The following SORCS2 variants were observed in gnomAD, a reference collection of about 807,000 sequenced individuals.
The protein encoded by SORCS2 is sortilin related VPS10 domain containing receptor 2, also known as VPS10 domain-containing receptor SorCS2.
A neutral mutation model predicts 141.6 loss-of-function variants in SORCS2; 100 were observed. That is an observed-to-expected ratio of 0.71 (90% confidence interval 0.60 to 0.83). The LOEUF is 0.83. Ranked by LOEUF, SORCS2 falls within the 40% of genes least tolerant of loss-of-function variation. The probability of loss-of-function intolerance (pLI) is 0.00; values close to 1 mark genes in which losing one functional copy is unlikely to be tolerated. For synonymous variants in SORCS2, 789 were observed against 676.9 expected (o/e 1.17, Z -2.57); for missense variants, 1,646 against 1,560.2 (o/e 1.05, Z -0.93).
chr4:7,692,449 A>G (rs912404552), intron 11 of SORCS2, among the ~76,000 whole-genome samples: 1 of 152,192 alleles, frequency 6.6e-6, no homozygotes, highest in Non-Finnish European at 1.5e-5. Flanking sequence ...AAATGAGAGG[A>G]TAAAACCTCC....
At chr4:7,451,156 G>A (rs1728436357) in intron 2 of SORCS2, among the ~76,000 whole-genome samples, 1 of 152,280 alleles carries the variant, frequency 6.6e-6, no homozygotes, top group African/African-American at 2.4e-5. Flanking sequence ...GAATGAGTGA[G>A]TGAATCAGCA....
At chr4:7,609,468 C>T (rs1172068642) in intron 3 of SORCS2, among the ~76,000 whole-genome samples, 3 of 152,202 alleles carry the variant, frequency 2.0e-5, no homozygotes, top group Non-Finnish European at 4.4e-5. Flanking sequence ...TCGTCAACTG[C>T]CAATTCAGAC....
At chr4:7,666,065 G>A (rs2108928410) in intron 7 of SORCS2, among the ~76,000 whole-genome samples, 1 of 152,238 alleles carries the variant, frequency 6.6e-6, no homozygotes, top group Middle Eastern at 3.4e-3. Context: ...GAGGAGGTGA[G>A]GTCCTGCTAG....
chr4:7,337,651 G>A (rs10005640), intron 1 of SORCS2, among the ~76,000 whole-genome samples: 76,232 of 151,440 alleles, frequency 0.5, 19,361 homozygotes, highest in East Asian at 0.57. Flanking sequence ...TGGGAAGCCA[G>A]GGAGAGCTCT....
At chr4:7,275,029 C>T (rs949657990) in intron 1 of SORCS2, among the ~76,000 whole-genome samples, 1 of 152,162 alleles carries the variant, frequency 6.6e-6, no homozygotes, top group Admixed American at 6.5e-5. Context: ...AGCCTGACAC[C>T]TTTTAATGCA....
intron 3 of SORCS2, among the ~76,000 whole-genome samples, chr4:7,606,360 C>T (rs962252369): frequency 3.9e-5 from 6 of 152,152 alleles, no homozygotes; most frequent in East Asian, 1.9e-4. Context: ...ACTTATTCAA[C>T]GATCGTCTCT....
chr4:7,642,929 A>C (rs62290662), intron 4 of SORCS2, among the ~76,000 whole-genome samples: 1 of 152,204 alleles, frequency 6.6e-6, no homozygotes. Context: ...ACATCTACTC[A>C]CACAGCATCG....
chr4:7,237,855 T>C (rs1712396676), intron 1 of SORCS2, among the ~76,000 whole-genome samples: 1 of 151,986 alleles, frequency 6.6e-6, no homozygotes, highest in African/African-American at 2.4e-5. Context: ...GGATGTTTTT[T>C]AGAGTGTGAT....
At chr4:7,550,290 C>T (rs573158758) in intron 3 of SORCS2, among the ~76,000 whole-genome samples, 5 of 151,550 alleles carry the variant, frequency 3.3e-5, no homozygotes, top group South Asian at 4.3e-4. Flanking sequence ...CCCAGCAAGG[C>T]ACTGGGGGCC....
At chr4:7,297,950 A>G (rs992722784) in intron 1 of SORCS2, among the ~76,000 whole-genome samples, 3 of 152,202 alleles carry the variant, frequency 2.0e-5, no homozygotes, top group Non-Finnish European at 4.4e-5. Flanking sequence ...TGGGGCTGGT[A>G]TCCGCCTTGC....
At chr4:7,638,253 G>A in intron 3 of SORCS2, 75 bp from the exon 4 acceptor site, 1 of 1,464,418 alleles carries the variant, frequency 6.8e-7, no homozygotes, top group Non-Finnish European at 9.1e-7. Context: ...ACCTGGCCCA[G>A]GCCTCACAAC....
At chr4:7,439,625 C>T (rs898919445) in intron 2 of SORCS2, among the ~76,000 whole-genome samples, 23 of 152,180 alleles carry the variant, frequency 1.5e-4, no homozygotes, top group Admixed American at 2.0e-4. Flanking sequence ...TGTTCTTGAA[C>T]CTCGCATTGG....
At chr4:7,684,344 C>G (rs1216694060) in intron 10 of SORCS2, among the ~76,000 whole-genome samples, 1 of 152,210 alleles carries the variant, frequency 6.6e-6, no homozygotes. Context: ...TGGCCTATGC[C>G]TGACATGGAG....
At chr4:7,733,244 G>A in intron 23 of SORCS2, 78 bp from the exon 24 acceptor site, 10 of 1,101,252 alleles carry the variant, frequency 9.1e-6, no homozygotes, top group Admixed American at 3.0e-5. Flanking sequence ...CCCTCCTGGA[G>A]GAGGACCCCA....
At chr4:7,378,113 A>C (rs908411989) in intron 1 of SORCS2, among the ~76,000 whole-genome samples, 7 of 152,222 alleles carry the variant, frequency 4.6e-5, no homozygotes, top group African/African-American at 1.7e-4. Context: ...TATTTGTTAC[A>C]GGCATATTTA....
intron 14 of SORCS2, among the ~76,000 whole-genome samples, chr4:7,706,050 C>T (rs1577097240): frequency 6.8e-6 from 1 of 147,824 alleles, no homozygotes; most frequent in Non-Finnish European, 1.5e-5. Flanking sequence ...TGAGGCTGGG[C>T]TCCGCCTGGG....
At chr4:7,511,826 T>C (rs1732672961) in intron 2 of SORCS2, among the ~76,000 whole-genome samples, 1 of 152,152 alleles carries the variant, frequency 6.6e-6, no homozygotes, top group South Asian at 2.1e-4. Flanking sequence ...AGGCAAGCTT[T>C]GGCCTGGCCT....
At position 7,413,533 on chromosome 4, in the gene SORCS2, G is replaced by A. The variant is rs1435653421; in HGVS notation, c.548+17178G>A. Among the ~76,000 whole-genome samples the A allele has an allele frequency of 2.6e-5, 4 of 151,172 alleles. No individual in the cohort carries two copies. In the East Asian group the frequency reaches 5.9e-4, roughly 22 times the overall value. ...CTCAGCCTTCGGAGTAGCTACATGC[G>A]CCCGCCACCATGCCTGGCTAATTTT... On this transcript the variant is annotated intron_variant, in intron 2 of 26. Coordinates refer to ENST00000507866, the MANE Select transcript of SORCS2 (RefSeq NM_020777.3).
chr4:7,582,693 A>T (rs906372527), intron 3 of SORCS2, among the ~76,000 whole-genome samples: 6 of 152,228 alleles, frequency 3.9e-5, no homozygotes, highest in Admixed American at 3.9e-4. Flanking sequence ...GGATATAAAA[A>T]ATGAAGACCC....
Sources: allele counts gnomAD v4.1 joint callset (sites outside exome capture counted in the v4.1 genomes callset), GRCh38; gene constraint gnomAD v4.1.1; transcripts MANE v1.5; gene names NCBI Gene and HGNC (gene_info 2026-07-23, HGNC 2026-07-21).